Variants in SLIT3 observed in about 807,000 individuals in gnomAD.
SLIT3 encodes the protein slit homolog 3 protein.
In SLIT3, 68 loss-of-function variants were observed where a neutral mutation model predicts 184.0. The observed-to-expected ratio is 0.37, with a 90% CI of 0.30 to 0.45. The LOEUF (loss-of-function observed/expected upper bound fraction) is 0.45, where lower values mean the gene tolerates loss of function less well. SLIT3 is among the 20% of genes least tolerant of loss of function. The pLI, the probability that SLIT3 is intolerant of heterozygous loss-of-function variation, is 1.00. For synonymous variants in SLIT3, 831 were observed against 828.6 expected (o/e 1.00, Z -0.05); for missense variants, 1,707 against 2,026.0 (o/e 0.84, Z 3.02).
At chr5:168,689,470 C>G (rs532354706) in intron 29 of SLIT3, among the ~76,000 whole-genome samples, 7 of 152,310 alleles carry the variant, frequency 4.6e-5, no homozygotes, top group African/African-American at 1.4e-4. Flanking sequence ...ATTCACAGCC[C>G]CACCCCTTTA....
At chr5:168,965,860 C>T (rs991737396) in intron 4 of SLIT3, among the ~76,000 whole-genome samples, 9 of 152,178 alleles carry the variant, frequency 5.9e-5, no homozygotes, top group Admixed American at 1.3e-4. Flanking sequence ...TGCCAGCGCA[C>T]GCTCTCTCTC....
intron 23 of SLIT3, among the ~76,000 whole-genome samples, chr5:168,714,137 G>C (rs1762644832): frequency 6.6e-6 from 1 of 152,200 alleles, no homozygotes; most frequent in African/African-American, 2.4e-5. Context: ...GTTCACGATA[G>C]CTTCTCACCT....
intron 1 of SLIT3, among the ~76,000 whole-genome samples, chr5:169,280,271 T>C (rs1453477759): frequency 5.3e-5 from 8 of 152,230 alleles, no homozygotes; most frequent in Non-Finnish European, 1.2e-4. Flanking sequence ...CAGGATCAAA[T>C]GCTTTTGGTC....
chr5:168,839,760 A>G lies in SLIT3; in HGVS notation c.557+4824T>C, dbSNP rs1236149441. Among the ~76,000 whole-genome samples, 64 of 152,204 alleles carry G rather than the reference A, an allele frequency of 4.2e-4. 1 individual carries two copies. Among genetic ancestry groups the G allele is most frequent in the Admixed American group, 4.2e-3 (64 of 15,286 alleles). Reference sequence around the variant, plus strand: ...TTAATGGTGGGTTTTGAAAGGATGAACTATGCTTGGGATTCCCAATCTTAC... The same window carrying G: ...TTAATGGTGGGTTTTGAAAGGATGAGCTATGCTTGGGATTCCCAATCTTAC... On this transcript the variant is annotated intron_variant, in intron 6 of 35. Coordinates refer to ENST00000519560, the MANE Select transcript of SLIT3 (RefSeq NM_003062.4).
Position 169,021,582 on chromosome 5 carries a change from C to G in SLIT3, c.414-138246G>C, listed in dbSNP as rs1756598825. On this transcript the variant is annotated intron_variant, in intron 4 of 35. Transcript: ENST00000519560. ...GCCAGGCTGGTCTCGAACTCCTGAC[C>G]TCTGGTGATCGACCTGCCTCGGCCT... Among the ~76,000 whole-genome samples, 3 of 152,262 alleles carry G rather than the reference C, an allele frequency of 2.0e-5. No homozygotes were observed. In the South Asian group the frequency reaches 6.2e-4, roughly 32 times the overall value.
chr5:168,834,320 C>T (rs973036533), intron 6 of SLIT3, among the ~76,000 whole-genome samples: 4 of 151,944 alleles, frequency 2.6e-5, no homozygotes, highest in African/African-American at 9.7e-5. Context: ...TTTGGTGGGC[C>T]ATTGTTGTAA....
intron 12 of SLIT3, among the ~76,000 whole-genome samples, chr5:168,782,283 T>G (rs2113565401): frequency 6.6e-6 from 1 of 152,308 alleles, no homozygotes; most frequent in East Asian, 1.9e-4. Flanking sequence ...AGCTTCCACC[T>G]CAAATGACTG....
intron 10 of SLIT3, among the ~76,000 whole-genome samples, chr5:168,792,581 G>A (rs1756415939): frequency 6.6e-6 from 1 of 152,164 alleles, no homozygotes; most frequent in African/African-American, 2.4e-5. Context: ...GTCATGCAGG[G>A]AATATAAGTG....
chr5:169,010,440 G>A (rs113535610), intron 4 of SLIT3, among the ~76,000 whole-genome samples: 34 of 152,238 alleles, frequency 2.2e-4, no homozygotes, highest in African/African-American at 8.2e-4. Flanking sequence ...AGTTGCCAGT[G>A]AATTACAGGA....
chr5:169,152,711 T>C (rs1170398334), intron 4 of SLIT3, among the ~76,000 whole-genome samples: 1 of 152,208 alleles, frequency 6.6e-6, no homozygotes, highest in Non-Finnish European at 1.5e-5. Flanking sequence ...CCATCAGTGA[T>C]AGAAAATCTA....
chr5:169,254,503 A>T (rs140036684), intron 1 of SLIT3, among the ~76,000 whole-genome samples: 327 of 151,642 alleles, frequency 2.2e-3, no homozygotes, highest in African/African-American at 7.5e-3. Context: ...TTTTAAATAC[A>T]CTTGCTATCA....
intron 1 of SLIT3, among the ~76,000 whole-genome samples, chr5:169,254,645 T>C (rs1225624969): frequency 6.6e-6 from 1 of 152,176 alleles, no homozygotes; most frequent in Non-Finnish European, 1.5e-5. Context: ...GGGAGGGGCT[T>C]GCTCTCTCGC....
intron 3 of SLIT3, among the ~76,000 whole-genome samples, chr5:169,242,235 G>A (rs1765428131): frequency 6.6e-6 from 1 of 152,206 alleles, no homozygotes; most frequent in South Asian, 2.1e-4. Flanking sequence ...AAGGTATTAT[G>A]AGAATGACTA....
At position 168,760,878 on chromosome 5, in the gene SLIT3, G is replaced by T. The variant is rs1292544343; in HGVS notation, c.1669C>A (p.Pro557Thr). 5 of 1,613,490 alleles carry T rather than the reference G, an allele frequency of 3.1e-6. No individual in the cohort carries two copies. The highest frequency in any genetic ancestry group is 4.2e-6 in the Non-Finnish European group (5 of 1,179,458). ...TTGACTTACATTTTCCGCAGGTTGG[G>T]CAACTTCTTGAAGATGCCAGTGGCC... ...LEATGIFKKL[P>T]NLRKINLSNN... Residue 557 changes from proline to threonine, a missense_variant, in exon 16 of 36, where the codon CCC becomes ACC. Physicochemically the swap from Pro to Thr is conservative, Grantham distance 38 (BLOSUM62 -1). Transcript: ENST00000519560.
chr5:168,748,200 C>G (rs11748347), intron 20 of SLIT3, 102 bp downstream of exon 20: 495,948 of 1,301,866 alleles, frequency 0.38, 98,334 homozygotes, highest in East Asian at 0.62. Flanking sequence ...CTCCCCCCGG[C>G]AGTTTCGCCA....
Position 168,685,729 on chromosome 5 carries a change from C to T in SLIT3, c.3513G>A (p.Leu1171=). 6.3e-7 allele frequency: 1 copy of T among 1,587,040 alleles called. No homozygotes were observed. Among genetic ancestry groups the T allele is most frequent in the African/African-American group, 1.3e-5 (1 of 74,754 alleles). The part of the protein sequence containing the change: ...NFVGKDSYVE[L]ASAKVRPQAN... Reference sequence around the variant, plus strand: ...CCTGGGGTCGGACCTTGGCGGAGGCCAGTTCCACGTAGGAGTCTTTGCCCA... The same window carrying T: ...CCTGGGGTCGGACCTTGGCGGAGGCTAGTTCCACGTAGGAGTCTTTGCCCA... Residue 1171 remains leucine (L), a synonymous_variant, in exon 31 of 36, where the codon CTG becomes CTA. Transcript: ENST00000519560.
At chr5:168,685,369 G>C (rs915917170) in intron 31 of SLIT3, among the ~76,000 whole-genome samples, 1 of 152,238 alleles carries the variant, frequency 6.6e-6, no homozygotes. Flanking sequence ...TTAGTGGATA[G>C]GCCTCAGACA....
At chr5:169,158,546 TA>T (rs1168391005) in intron 4 of SLIT3, among the ~76,000 whole-genome samples, 7 of 151,648 alleles carry the variant, frequency 4.6e-5, no homozygotes, top group Admixed American at 3.9e-4. Context: ...ATGGAAAGAG[TA>T]AAAATATGGG....
chr5:168,730,991 A>G (rs184677296), intron 20 of SLIT3, among the ~76,000 whole-genome samples: 23 of 152,180 alleles, frequency 1.5e-4, no homozygotes, highest in Non-Finnish European at 3.4e-4. Flanking sequence ...TTAACAAAAG[A>G]AAAAGTTGGT....
Sources: allele counts gnomAD v4.1 joint callset (sites outside exome capture counted in the v4.1 genomes callset), GRCh38; gene constraint gnomAD v4.1.1; transcripts MANE v1.5; gene names NCBI Gene and HGNC (gene_info 2026-07-23, HGNC 2026-07-21).